ENOX1: variants seen among roughly 807,000 people sequenced by gnomAD.
The protein encoded by ENOX1 is candidate growth-related and time keeping constitutive hydroquinone (NADH) oxidase.
A neutral mutation model predicts 82.5 loss-of-function variants in ENOX1; 42 were observed. The ratio of observed to expected loss-of-function variants is 0.51; its 90% CI spans 0.40 to 0.66. The LOEUF is 0.66. ENOX1 is among the 30% of genes least tolerant of loss of function. The pLI, the probability that ENOX1 is intolerant of heterozygous loss-of-function variation, is 0.00. For missense variants in ENOX1, 608 were observed against 811.6 expected, an observed-to-expected ratio of 0.75 and a Z score of 3.05; for synonymous variants, 271 against 282.2, an observed-to-expected ratio of 0.96 and a Z score of 0.40.
chr13:43,594,518 T>A (rs920499985), intron 2 of ENOX1, among the ~76,000 whole-genome samples: 1 of 152,224 alleles, frequency 6.6e-6, no homozygotes, highest in Non-Finnish European at 1.5e-5. Context: ...GAAGAGGGGC[T>A]GAGGCTGACA....
chr13:43,480,145 G>A (rs2058453685), intron 3 of ENOX1, among the ~76,000 whole-genome samples: 1 of 151,926 alleles, frequency 6.6e-6, no homozygotes, highest in South Asian at 2.1e-4. Flanking sequence ...CACCATGTTG[G>A]CCAGGCTGGC....
rs577692491 is a variant in ENOX1 at position 43,520,415 on chromosome 13, G to C, written c.-218-36263C>G. Among the ~76,000 whole-genome samples, 13 of 152,180 alleles carry C rather than the reference G, an allele frequency of 8.5e-5. No homozygotes were observed. In the South Asian group the frequency reaches 1.9e-3, roughly 22 times the overall value. ...ACTAATAAATTCCCTGAAGTAAAAG[G>C]CATGTTTGTTTGTTTTTCAATTTTA... On this transcript the variant is annotated intron_variant, in intron 2 of 16. Transcript: ENST00000690772.
At chr13:43,267,300 T>A (rs1235118044) in intron 13 of ENOX1, among the ~76,000 whole-genome samples, 2 of 152,220 alleles carry the variant, frequency 1.3e-5, no homozygotes, top group Non-Finnish European at 2.9e-5. Flanking sequence ...ATCCTCATTG[T>A]AAATGAGATG....
At chr13:43,732,157 CA>C (rs1300200441) in intron 1 of ENOX1, among the ~76,000 whole-genome samples, 1 of 152,216 alleles carries the variant, frequency 6.6e-6, no homozygotes, top group Non-Finnish European at 1.5e-5. Context: ...ATCACCTAAA[CA>C]GCATATTTAT....
At chr13:43,461,677 G>A (rs1341959874) in intron 3 of ENOX1, among the ~76,000 whole-genome samples, 1 of 152,134 alleles carries the variant, frequency 6.6e-6, no homozygotes, top group Non-Finnish European at 1.5e-5. Context: ...AGGACTGGGT[G>A]GAATTTTAAT....
At chr13:43,556,804 T>C (rs75455603) in intron 2 of ENOX1, among the ~76,000 whole-genome samples, 4,994 of 151,846 alleles carry the variant, frequency 0.033, 269 homozygotes, top group African/African-American at 0.11. Flanking sequence ...CATTAGAAGA[T>C]GTAAATTATA....
intron 3 of ENOX1, among the ~76,000 whole-genome samples, chr13:43,467,018 C>T (rs994151202): frequency 4.6e-5 from 7 of 152,124 alleles, no homozygotes; most frequent in Non-Finnish European, 1.0e-4. Context: ...TTTTGTTCAT[C>T]CATTCATCAG....
chr13:43,410,620 A>C (rs1258425896), intron 5 of ENOX1, among the ~76,000 whole-genome samples: 1 of 105,114 alleles, frequency 9.5e-6, no homozygotes, highest in African/African-American at 3.5e-5. Context: ...ACACATACAC[A>C]CATGTACACA....
chr13:43,382,358 T>C (rs1480405475), intron 5 of ENOX1, among the ~76,000 whole-genome samples: 1 of 152,150 alleles, frequency 6.6e-6, no homozygotes, highest in African/African-American at 2.4e-5. Context: ...TCAGTAAAGG[T>C]TATGTACTTT....
intron 5 of ENOX1, among the ~76,000 whole-genome samples, chr13:43,380,124 C>G (rs984096448): frequency 1.3e-5 from 2 of 151,556 alleles, no homozygotes; most frequent in African/African-American, 4.8e-5. Flanking sequence ...TAAGCTGAAA[C>G]AATCCATCAC....
chr13:43,392,969 G>A (rs909357269), intron 5 of ENOX1, among the ~76,000 whole-genome samples: 3 of 152,068 alleles, frequency 2.0e-5, no homozygotes, highest in East Asian at 3.9e-4. Context: ...CTGCTGGAGT[G>A]GGATGGGTCC....
At chr13:43,356,788 A>G (rs1024736375) in intron 7 of ENOX1, among the ~76,000 whole-genome samples, 1 of 152,060 alleles carries the variant, frequency 6.6e-6, no homozygotes, top group East Asian at 1.9e-4. Flanking sequence ...GGTGCGCAGG[A>G]GAATATTTTA....
At chr13:43,413,872 A>G (rs866330672) in intron 3 of ENOX1, among the ~76,000 whole-genome samples, 32 of 151,902 alleles carry the variant, frequency 2.1e-4, no homozygotes, top group Admixed American at 9.2e-4. Context: ...CAGAGCTTTC[A>G]CATGTATTTT....
At chr13:43,360,205 CTT>C (rs2050410035) in intron 6 of ENOX1, 148 bp from the exon 7 acceptor site, 1 of 722,254 alleles carries the variant, frequency 1.4e-6, no homozygotes, top group African/African-American at 1.8e-5. Context: ...CCCAGGCTGT[CTT>C]GTTTCTAAGT....
At chr13:43,334,240 T>A (rs1302600666) in intron 9 of ENOX1, among the ~76,000 whole-genome samples, 1 of 152,214 alleles carries the variant, frequency 6.6e-6, no homozygotes, top group Admixed American at 6.5e-5. Flanking sequence ...ATTTCATTGA[T>A]GAAGAAACTG....
intron 5 of ENOX1, among the ~76,000 whole-genome samples, chr13:43,391,629 C>T (rs1174464733): frequency 1.3e-5 from 2 of 152,162 alleles, no homozygotes; most frequent in Non-Finnish European, 2.9e-5. Flanking sequence ...CTCTCTCTCA[C>T]TCCCCTGTCA....
intron 1 of ENOX1, among the ~76,000 whole-genome samples, chr13:43,723,832 G>A (rs2088741237): frequency 6.6e-6 from 1 of 151,580 alleles, no homozygotes; most frequent in South Asian, 2.1e-4. Flanking sequence ...CCTTTAAGCT[G>A]TAGAAAAAAA....
chr13:43,322,572 A>G, intron 10 of ENOX1, 71 bp from the exon 11 acceptor site: 3 of 1,205,510 alleles, frequency 2.5e-6, no homozygotes, highest in Non-Finnish European at 3.6e-6. Flanking sequence ...CTTTGGGTAT[A>G]TATGACTGGC....
At chr13:43,608,383 A>G (rs1366652875) in intron 2 of ENOX1, among the ~76,000 whole-genome samples, 1 of 152,204 alleles carries the variant, frequency 6.6e-6, no homozygotes, top group East Asian at 1.9e-4. Context: ...GATGACTGAG[A>G]TCATTTCTTC....
Sources: allele counts gnomAD v4.1 joint callset (sites outside exome capture counted in the v4.1 genomes callset), GRCh38; gene constraint gnomAD v4.1.1; transcripts MANE v1.5; gene names NCBI Gene and HGNC (gene_info 2026-07-23, HGNC 2026-07-21).